CPVL: variants seen among roughly 807,000 people sequenced by gnomAD.
CPVL encodes the protein probable serine carboxypeptidase CPVL.
A neutral mutation model predicts 63.7 loss-of-function variants in CPVL; 51 were observed. The ratio of observed to expected loss-of-function variants is 0.80; its 90% CI spans 0.64 to 1.01. The LOEUF (loss-of-function observed/expected upper bound fraction) is 1.01. Among genes scored for constraint, CPVL ranks in the 50% least tolerant of loss-of-function variants. The pLI is 0.00. For synonymous variants in CPVL, 195 were observed against 206.0 expected (o/e 0.95, Z 0.46); for missense variants, 530 against 573.1 (o/e 0.92, Z 0.77).
At chr7:29,066,279 T>A (rs1783130950) in intron 9 of CPVL, among the ~76,000 whole-genome samples, 158 bp from the exon 10 acceptor site, 1 of 152,274 alleles carries the variant, frequency 6.6e-6, no homozygotes, top group South Asian at 2.1e-4. Context: ...TGCTAGACAC[T>A]GTCATGGCAC....
chr7:29,174,139 C>G (rs35313957), intron 5 of CPVL, among the ~76,000 whole-genome samples: 18,086 of 151,866 alleles, frequency 0.12, 1,257 homozygotes, highest in African/African-American at 0.18. Context: ...GAGACCCCCC[C>G]GTTTGGTGGC....
intron 11 of CPVL, among the ~76,000 whole-genome samples, chr7:29,039,342 A>G (rs749307846): frequency 1.3e-5 from 2 of 152,192 alleles, no homozygotes; most frequent in Non-Finnish European, 2.9e-5. Flanking sequence ...CTGAGGGGTA[A>G]ATAATTTAAG....
chr7:29,092,573 A>G (rs752549986), intron 6 of CPVL, 50 bp downstream of exon 6: 2 of 1,281,458 alleles, frequency 1.6e-6, no homozygotes, highest in South Asian at 2.4e-5. Flanking sequence ...CTATTGAGAT[A>G]GAAAAATGTT....
At chr7:29,082,059 ACTCAGCAG>A (rs1784774776) in intron 7 of CPVL, among the ~76,000 whole-genome samples, 1 of 152,196 alleles carries the variant, frequency 6.6e-6, no homozygotes, top group South Asian at 2.1e-4. Flanking sequence ...GGCTCTACAA[ACTCAGCAG>A]CACTATTCAG....
At chr7:29,175,099 A>G (rs921539770) in intron 5 of CPVL, among the ~76,000 whole-genome samples, 32 of 152,056 alleles carry the variant, frequency 2.1e-4, no homozygotes, top group South Asian at 1.9e-3. Context: ...AGATGATTCA[A>G]TCTTTGGAGT....
chr7:29,009,620 G>C (rs1176054488), intron 12 of CPVL: 1 of 152,142 alleles, frequency 6.6e-6, no homozygotes, highest in Admixed American at 6.6e-5. Flanking sequence ...GCGTTGAATA[G>C]CAAAAGTATG....
intron 1 of CPVL, among the ~76,000 whole-genome samples, chr7:29,145,213 C>T (rs970391751): frequency 6.6e-6 from 1 of 151,948 alleles, no homozygotes; most frequent in Non-Finnish European, 1.5e-5. Flanking sequence ...AAAATGTATT[C>T]TCAATGGACT....
At chr7:29,045,970 GAAACACT>G (rs964452606) in intron 11 of CPVL, among the ~76,000 whole-genome samples, 1 of 151,948 alleles carries the variant, frequency 6.6e-6, no homozygotes, top group Non-Finnish European at 1.5e-5. Flanking sequence ...GTGAAGCTAA[GAAACACT>G]AACATCCTGA....
intron 6 of CPVL, among the ~76,000 whole-genome samples, chr7:29,091,173 A>G (rs1785736263): frequency 6.6e-6 from 1 of 152,232 alleles, no homozygotes; most frequent in African/African-American, 2.4e-5. Context: ...TTCCCTTTAC[A>G]TGTCAGGAAA....
chr7:29,109,980 C>CCA (rs1788096080), intron 3 of CPVL, among the ~76,000 whole-genome samples: 1 of 152,204 alleles, frequency 6.6e-6, no homozygotes, highest in Non-Finnish European at 1.5e-5. Context: ...TGCCAAAGCA[C>CCA]CACCTACATT....
rs560931561 is a variant in CPVL, at chr7:29,151,713, C to A, written c.-11+29577G>T. On this transcript the variant is annotated intron_variant, in intron 5 of 16. Transcript: ENST00000409850. The stretch of plus-strand genomic sequence containing the variant: ...GGCCTTAGGAGTAGACCGATGGCAT[C>A]TGAATCCCAGCTCAGCCACTCATTA... Among the ~76,000 whole-genome samples, 10 of 152,306 alleles carry A rather than the reference C, an allele frequency of 6.6e-5. No individual in the cohort carries two copies. In the East Asian group the frequency reaches 1.2e-3, roughly 18 times the overall value.
At chr7:29,189,797 G>T (rs1782653066) in intron 1 of CPVL, among the ~76,000 whole-genome samples, 1 of 152,088 alleles carries the variant, frequency 6.6e-6, no homozygotes, top group Admixed American at 6.6e-5. Context: ...AAGCTAAGTG[G>T]CCAAATAGGA....
At position 29,072,288 on chromosome 7, in the gene CPVL, AG is replaced by A; in HGVS notation, c.732+12del. 6.2e-7 allele frequency: 1 copy of A among 1,613,902 alleles called. No individual in the cohort carries two copies. The highest frequency in any genetic ancestry group is 8.5e-7 in the Non-Finnish European group (1 of 1,179,882). ...CTAAGAGACAAAATAGAAAGTCAGA[AG>A]GAGAAACCTACTGATTCGGGATCAG... is the stretch of plus-strand genomic sequence containing the variant. On this transcript the variant is annotated intron_variant, in intron 8 of 12. Coordinates refer to ENST00000265394, the MANE Select transcript of CPVL (RefSeq NM_031311.5).
intron 11 of CPVL, among the ~76,000 whole-genome samples, chr7:29,032,572 A>ATAT (rs1788129728): frequency 6.6e-6 from 1 of 152,238 alleles, no homozygotes; most frequent in Non-Finnish European, 1.5e-5. Flanking sequence ...TATGATTAGT[A>ATAT]CCAGTGAACA....
At chr7:29,028,761 C>T (rs1045306905) in intron 12 of CPVL, among the ~76,000 whole-genome samples, 4 of 151,996 alleles carry the variant, frequency 2.6e-5, no homozygotes, top group South Asian at 2.1e-4. Flanking sequence ...GTCAGGAGAT[C>T]GAGACCATCC....
chr7:29,150,102 G>T (rs1793383719), upstream of CPVL, among the ~76,000 whole-genome samples: 1 of 152,124 alleles, frequency 6.6e-6, no homozygotes, highest in African/African-American at 2.4e-5. Flanking sequence ...AAACTGTCAG[G>T]TCGATCACAA....
chr7:29,062,142 A>G (rs1273479188), intron 11 of CPVL, among the ~76,000 whole-genome samples: 1 of 152,146 alleles, frequency 6.6e-6, no homozygotes, highest in Non-Finnish European at 1.5e-5. Flanking sequence ...TAAGCACCTA[A>G]TGGATTATGG....
intron 5 of CPVL, among the ~76,000 whole-genome samples, chr7:29,167,760 A>G (rs1796096474): frequency 6.6e-6 from 1 of 152,204 alleles, no homozygotes; most frequent in Non-Finnish European, 1.5e-5. Flanking sequence ...AAACATTTCC[A>G]GTTTTCTCTG....
intron 11 of CPVL, among the ~76,000 whole-genome samples, chr7:29,049,177 C>T (rs962334904): frequency 1.3e-5 from 2 of 151,520 alleles, no homozygotes; most frequent in Non-Finnish European, 2.9e-5. Context: ...AAGATCAGAA[C>T]AGAAATAAAT....
Sources: gnomAD v4.1 joint callset for allele counts (sites outside exome capture counted in the v4.1 genomes callset) on GRCh38, gnomAD v4.1.1 for gene constraint, MANE v1.5 for transcripts, NCBI Gene and HGNC (gene_info 2026-07-23, HGNC 2026-07-21) for gene names.